Variants in NDFIP1 observed in about 807,000 individuals in gnomAD.
The protein encoded by NDFIP1 is NEDD4 family-interacting protein 1.
Under a neutral mutation model 28.8 loss-of-function variants are expected in NDFIP1, and 7 were observed. That is an observed-to-expected ratio of 0.24 (90% CI 0.14 to 0.46). The LOEUF (loss-of-function observed/expected upper bound fraction) is 0.46, where lower values mean the gene tolerates loss of function less well. Ranked by LOEUF, NDFIP1 falls within the 20% of genes least tolerant of loss-of-function variation. The probability of loss-of-function intolerance (pLI) is 0.99; values close to 1 mark genes in which losing one functional copy is unlikely to be tolerated. For synonymous variants in NDFIP1, 92 were observed against 101.0 expected (o/e 0.91, Z 0.53); for missense variants, 194 against 269.1 (o/e 0.72, Z 1.95).
Position 142,144,615 on chromosome 5 carries a change from C to T in NDFIP1, c.607C>T (p.Arg203Trp), listed in dbSNP as rs1395497845. 1.9e-6 allele frequency: 3 copies of T among 1,612,794 alleles called. No individual in the cohort carries two copies. Among genetic ancestry groups the T allele is most frequent in the African/African-American group, 1.3e-5 (1 of 74,836 alleles). Residue 203 changes from arginine to tryptophan, a missense_variant, in exon 7 of 8, where the codon CGG (arginine) becomes TGG (tryptophan). Coordinates refer to ENST00000253814, the MANE Select transcript of NDFIP1 (RefSeq NM_030571.4). Reference protein sequence around the residue: ...LRGFINYAKVRKMPETFSNLP... With the variant: ...LRGFINYAKVWKMPETFSNLP... The stretch of plus-strand genomic sequence containing the variant: ...AGGATTTATCAATTATGCAAAAGTT[C>T]GGAAGATGCCAGAAACTTTCTCAAA...
intron 7 of NDFIP1, among the ~76,000 whole-genome samples, chr5:142,145,201 C>T (rs1172259306): frequency 6.6e-6 from 1 of 152,200 alleles, no homozygotes; most frequent in Non-Finnish European, 1.5e-5. Context: ...TTCAGGTTGA[C>T]ATTCTGATAC....
chr5:142,139,505 G>A (rs1282911656), intron 5 of NDFIP1, among the ~76,000 whole-genome samples: 35 of 152,056 alleles, frequency 2.3e-4, no homozygotes, highest in Non-Finnish European at 1.5e-5. Flanking sequence ...ATTGAAACAC[G>A]ACAGTGCTCA....
At chr5:142,120,364 G>C (rs1757111868) in intron 1 of NDFIP1, among the ~76,000 whole-genome samples, 1 of 152,078 alleles carries the variant, frequency 6.6e-6, no homozygotes, top group African/African-American at 2.4e-5. Context: ...ACCAGTACCT[G>C]GTGCCACCAG....
intron 7 of NDFIP1, among the ~76,000 whole-genome samples, chr5:142,147,444 C>A (rs1757400770): frequency 1.3e-5 from 2 of 152,114 alleles, no homozygotes; most frequent in African/African-American, 4.8e-5. Context: ...CCTATCGATT[C>A]TTTATTATGC....
chr5:142,141,196 T>TTTA (rs1491019799), intron 6 of NDFIP1, among the ~76,000 whole-genome samples: 2 of 99,522 alleles, frequency 2.0e-5, no homozygotes, highest in Non-Finnish European at 4.0e-5. Flanking sequence ...TTTTTTTTTT[T>TTTA]ACAGAGTCTT....
rs76021066 is a variant in NDFIP1, at chr5:142,124,196, A to C, written c.64-7612A>C. 3.3e-5 allele frequency among the ~76,000 whole-genome samples: 5 copies of C among 152,278 alleles called. No individual in the cohort carries two copies. In the East Asian group the frequency reaches 9.6e-4, roughly 29 times the overall value. ...TCAGTACTAGAAATATTTGGATGTC[A>C]GACACAGATCCCAGGGGTTGGCAGG... is the stretch of plus-strand genomic sequence containing the variant. On this transcript the variant is annotated intron_variant, in intron 1 of 7. Coordinates refer to ENST00000253814, the MANE Select transcript of NDFIP1 (RefSeq NM_030571.4).
At chr5:142,140,654 G>C in intron 6 of NDFIP1, 25 bp downstream of exon 6, 2 of 1,581,592 alleles carry the variant, frequency 1.3e-6, no homozygotes, top group Non-Finnish European at 1.7e-6. Context: ...TGTAAGAAAA[G>C]GCAAGAAAAC....
At chr5:142,127,912 T>A (rs959248766) in intron 1 of NDFIP1, among the ~76,000 whole-genome samples, 5 of 152,136 alleles carry the variant, frequency 3.3e-5, no homozygotes, top group African/African-American at 1.2e-4. Flanking sequence ...GCCAAGATGG[T>A]ACCACTGCAC....
intron 4 of NDFIP1, 152 bp downstream of exon 4, chr5:142,135,969 A>T (rs1202093470): frequency 9.6e-6 from 5 of 522,832 alleles, no homozygotes; most frequent in African/African-American, 3.8e-5. Context: ...AAAGCTTAAT[A>T]TACCTTTGTT....
chr5:142,150,621 G>T (rs909210259), intron 7 of NDFIP1, among the ~76,000 whole-genome samples: 1 of 151,844 alleles, frequency 6.6e-6, no homozygotes, highest in Non-Finnish European at 1.5e-5. Context: ...AGTCACTTGC[G>T]GGGCTGAGGC....
chr5:142,128,925 C>G (rs116293180), intron 1 of NDFIP1, among the ~76,000 whole-genome samples: 3 of 152,028 alleles, frequency 2.0e-5, no homozygotes, highest in Admixed American at 6.5e-5. Flanking sequence ...TCCAAGTTTC[C>G]AGGAGACAGG....
chr5:142,138,111 A>G (rs1757293349), intron 5 of NDFIP1: 2 of 318,270 alleles, frequency 6.3e-6, no homozygotes, highest in Non-Finnish European at 1.2e-5. Flanking sequence ...TTTGTTTTTA[A>G]TGTTTATAAT....
chr5:142,122,453 G>T (rs1042744993), intron 1 of NDFIP1, among the ~76,000 whole-genome samples: 69 of 152,240 alleles, frequency 4.5e-4, no homozygotes, highest in African/African-American at 1.6e-3. Flanking sequence ...GAATACTGTT[G>T]CTTTTTCCCT....
rs758836050 is a variant in NDFIP1, at chr5:142,135,828, A to G, written c.370+11A>G. 44 of 1,600,970 alleles carry G rather than the reference A, an allele frequency of 2.7e-5. No homozygotes were observed. The East Asian group carries it at 7.4e-4, about 27-fold the overall frequency. ...TGTTAACTTTTTTCAGTAAGTATGT[A>G]TGCATATCAGAACCACCCCCTACAA... On this transcript the variant is annotated intron_variant, in intron 4 of 7. Transcript: ENST00000253814.
chr5:142,137,151 GT>G (rs201066702), intron 4 of NDFIP1, among the ~76,000 whole-genome samples: 103 of 147,786 alleles, frequency 7.0e-4, no homozygotes, highest in African/African-American at 2.5e-3. Flanking sequence ...GCTGTTTTTT[GT>G]TTTTTTTGCT....
chr5:142,150,292 C>G (rs964929233), intron 7 of NDFIP1, among the ~76,000 whole-genome samples: 1 of 150,340 alleles, frequency 6.7e-6, no homozygotes, highest in Non-Finnish European at 1.5e-5. Context: ...TGCCAATTTT[C>G]TTTTTTGCTT....
At chr5:142,149,529 A>T (rs1281099504) in intron 7 of NDFIP1, among the ~76,000 whole-genome samples, 1 of 142,260 alleles carries the variant, frequency 7.0e-6, no homozygotes, top group Non-Finnish European at 1.5e-5. Context: ...CAGTTTGTGT[A>T]CTGCCAGCAT....
intron 5 of NDFIP1, 65 bp from the exon 6 acceptor site, chr5:142,140,498 C>A: frequency 1.5e-6 from 2 of 1,329,372 alleles, no homozygotes; most frequent in East Asian, 2.4e-5. Flanking sequence ...TTTTGTGTAC[C>A]CTTAAGTTAA....
intron 1 of NDFIP1, among the ~76,000 whole-genome samples, chr5:142,131,489 G>A (rs999737250): frequency 6.6e-6 from 1 of 152,152 alleles, no homozygotes; most frequent in Non-Finnish European, 1.5e-5. Context: ...TGGCCAGGAT[G>A]GCAAAATTTA....
Sources: gnomAD v4.1 joint callset for allele counts (sites outside exome capture counted in the v4.1 genomes callset) on GRCh38, gnomAD v4.1.1 for gene constraint, MANE v1.5 for transcripts, NCBI Gene and HGNC (gene_info 2026-07-23, HGNC 2026-07-21) for gene names.